The following PLPP5 variants were observed in gnomAD, a reference collection of about 807,000 sequenced individuals.
PLPP5 encodes phospholipid phosphatase 5, also known as diacylglycerol pyrophosphate like 1.
Under a neutral mutation model 23.6 loss-of-function variants are expected in PLPP5, and 29 were observed. The ratio of observed to expected loss-of-function variants is 1.23; its 90% CI spans 0.92 to 1.68. The LOEUF (loss-of-function observed/expected upper bound fraction) is 1.68, where lower values mean the gene tolerates loss of function less well. Among genes scored for constraint, PLPP5 ranks in the 40% most tolerant of loss-of-function variants. PLPP5 has a pLI of 0.00. For missense variants in PLPP5, 315 were observed against 332.1 expected (o/e 0.95, Z 0.40); for synonymous variants, 143 against 131.3 (o/e 1.09, Z -0.61).
rs1172308392 is a variant in PLPP5 at position 38,263,778 on chromosome 8, C to G, written c.*666G>C. 4.1e-6 allele frequency: 4 copies of G among 985,296 alleles called. No individual in the cohort carries two copies. In the African/African-American group the frequency reaches 5.2e-5, roughly 13 times the overall value. 61.0% of individuals were successfully genotyped at this position (985,296 alleles called of 1,614,324 possible). Reference sequence around the variant, plus strand: ...GGAAATTAAGTTTTGATAATGAACTCTAGCTTCTGAGACAAGGTGGGGCTA... The same window carrying G: ...GGAAATTAAGTTTTGATAATGAACTGTAGCTTCTGAGACAAGGTGGGGCTA... On this transcript the variant is annotated 3_prime_UTR_variant, in exon 7 of 7. Coordinates refer to ENST00000424479, the MANE Select transcript of PLPP5 (RefSeq NM_001102559.2).
At position 38,267,309 on chromosome 8, in the gene PLPP5, C is replaced by T; in HGVS notation, c.421G>A (p.Val141Met). The T allele has an allele frequency of 6.2e-7, 1 of 1,613,992 alleles. No individual in the cohort carries two copies. The highest frequency in any genetic ancestry group is 8.5e-7 in the Non-Finnish European group (1 of 1,179,878). Residue 141 changes from valine to methionine, a missense_variant, in exon 5 of 7, where the codon GTG becomes ATG. By Grantham distance (21) the Val-to-Met change is conservative (BLOSUM62 1). Coordinates refer to ENST00000424479, the MANE Select transcript of PLPP5 (RefSeq NM_001102559.2). ...GGGAAGCTCTTTCGGCCCTCATTCACCACGTCCTTATCCCCTGTACACATC... is the reference window on the plus strand; with the variant it reads ...GGGAAGCTCTTTCGGCCCTCATTCATCACGTCCTTATCCCCTGTACACATC... ...DLMCTGDKDV[V>M]NEGRKSFPSG...
intron 6 of PLPP5, chr8:38,264,838 A>ATTAC: frequency 6.3e-7 from 1 of 1,586,362 alleles, no homozygotes. Context: ...ATCTTAAGTA[A>ATTAC]GTATAATAAG....
intron 6 of PLPP5, chr8:38,264,862 G>A (rs1807336341): frequency 1.9e-6 from 3 of 1,608,524 alleles, no homozygotes; most frequent in Admixed American, 1.7e-5. Context: ...TGTTCAGAGT[G>A]TACTAAATTA....
chr8:38,269,026 T>A, intron 1 of PLPP5, 36 bp from the exon 2 acceptor site: 1 of 1,542,228 alleles, frequency 6.5e-7, no homozygotes, highest in Non-Finnish European at 8.7e-7. Flanking sequence ...GCAGGTCGCC[T>A]GGCTTCCTCC....
intron 6 of PLPP5, 157 bp from the exon 7 acceptor site, chr8:38,264,761 T>C (rs1005552651): frequency 6.9e-7 from 1 of 1,456,918 alleles, no homozygotes; most frequent in African/African-American, 1.4e-5. Flanking sequence ...ATCTTTTTAT[T>C]CTCAATTTTA....
At chr8:38,268,008 T>A in intron 3 of PLPP5, 48 bp from the exon 4 acceptor site, 1 of 1,613,662 alleles carries the variant, frequency 6.2e-7, no homozygotes, top group Middle Eastern at 1.7e-4. Flanking sequence ...GGAGGAAAGG[T>A]ATGGTCATGG....
In PLPP5 at chr8:38,267,410, G is replaced by T. The variant is rs746086774; in HGVS notation, c.339-19C>A. 43 of 1,609,270 alleles carry T rather than the reference G, an allele frequency of 2.7e-5. No individual in the cohort carries two copies. The highest frequency in any genetic ancestry group is 3.6e-5 in the Non-Finnish European group (42 of 1,177,416). On this transcript the variant is annotated intron_variant, in intron 4 of 6. Coordinates refer to ENST00000424479, the MANE Select transcript of PLPP5 (RefSeq NM_001102559.2). The stretch of plus-strand genomic sequence containing the variant: ...GCGTGGCCTGGAAGAAAGCAGCATG[G>T]TTGGAACGTAAATCATTAACTCCAG...
At chr8:38,267,183 G>C in intron 5 of PLPP5, 84 bp downstream of exon 5, 1 of 1,610,612 alleles carries the variant, frequency 6.2e-7, no homozygotes, top group Non-Finnish European at 8.5e-7. Flanking sequence ...AGAGTAGTCA[G>C]ATTTTCCCAT....
intron 5 of PLPP5, 99 bp from the exon 6 acceptor site, chr8:38,266,410 A>G (rs1239644244): frequency 8.5e-7 from 1 of 1,180,138 alleles, no homozygotes; most frequent in Non-Finnish European, 1.2e-6. Flanking sequence ...GTTTTTATTT[A>G]TTTATTTTTT....
At chr8:38,267,123 T>TA in intron 5 of PLPP5, 144 bp downstream of exon 5, 2 of 1,524,218 alleles carry the variant, frequency 1.3e-6, no homozygotes, top group Non-Finnish European at 1.8e-6. Flanking sequence ...TCAGACTTGT[T>TA]AAACTGTGGA....
At chr8:38,266,110 CA>C (rs1290763603) in intron 6 of PLPP5, 30 bp downstream of exon 6, 1 of 1,601,904 alleles carries the variant, frequency 6.2e-7, no homozygotes, top group African/African-American at 1.3e-5. Flanking sequence ...GTGAAATATG[CA>C]AGCTTCCATA....
chr8:38,268,974 G>T lies in PLPP5; in HGVS notation c.91C>A (p.Pro31Thr), dbSNP rs1166602400. The T allele has an allele frequency of 6.4e-7, 1 of 1,570,128 alleles. No individual in the cohort carries two copies. ...FAAFLVTELLPPFQRLIQPEE... is the reference protein window; with the variant it reads ...FAAFLVTELLTPFQRLIQPEE... Reference sequence around the variant, plus strand: ...GGCTGGATGAGTCTCTGGAACGGGGGGAGCAGCTCCGTCACCCTAGAGGGG... The same window carrying T: ...GGCTGGATGAGTCTCTGGAACGGGGTGAGCAGCTCCGTCACCCTAGAGGGG... Residue 31 changes from proline (P) to threonine (T), a missense_variant, in exon 2 of 7, where the codon CCC (proline) becomes ACC (threonine). Physicochemically the swap from Pro to Thr is conservative, Grantham distance 38. Transcript: ENST00000424479.
In PLPP5 at chr8:38,264,605, C is replaced by G; in HGVS notation, c.635-1G>C. On this transcript the variant is annotated splice_acceptor_variant, in intron 6 of 6. Transcript: ENST00000424479. LOFTEE classifies it high-confidence loss of function. Reference sequence around the variant, plus strand: ...CCAATCATGGATCCAACTAGTACATCTGAAGAGAGTGGAAACAAGGTCTTC... The same window carrying G: ...CCAATCATGGATCCAACTAGTACATGTGAAGAGAGTGGAAACAAGGTCTTC... 1 of 1,588,922 alleles carries G rather than the reference C, an allele frequency of 6.3e-7. No individual in the cohort carries two copies. The highest frequency in any genetic ancestry group is 8.6e-7 in the Non-Finnish European group (1 of 1,167,654).
Position 38,263,329 on chromosome 8 carries a change from C to G in PLPP5, c.*1115G>C. ...GAAGAAGGGGCAGAAAAAGATTCAT[C>G]TGTCCTTCAGATGACGATACCTGTC... On this transcript the variant is annotated 3_prime_UTR_variant, in exon 7 of 7. Transcript: ENST00000424479. The G allele has an allele frequency of 1.0e-6, 1 of 954,192 alleles. No individual in the cohort carries two copies. The highest frequency in any genetic ancestry group is 1.2e-6 in the Non-Finnish European group (1 of 801,336). The allele number at this position is 954,192 out of a possible 1,614,324, so 59.1% of individuals were successfully genotyped here.
chr8:38,269,195 C>G lies in PLPP5; in HGVS notation c.5G>C (p.Gly2Ala). The change falls in exon 1 of 7, where the codon GGG (glycine) becomes GCG (alanine). Residue 2 changes from glycine (G) to alanine (A), a missense_variant. Gly to Ala is a moderately conservative substitution (Grantham distance 60, BLOSUM62 0). Transcript: ENST00000424479. Reference sequence around the variant, plus strand: ...AAAGGCCACCGCCGCCGCCGCCTTCCCCATCCGGCCGCGAGCTCCGAGCGA... The same window carrying G: ...AAAGGCCACCGCCGCCGCCGCCTTCGCCATCCGGCCGCGAGCTCCGAGCGA... Reference protein sequence around the residue: MGKAAAAVAFGA... With the variant: MAKAAAAVAFGA... The G allele has an allele frequency of 6.7e-7, 1 of 1,500,464 alleles. No individual in the cohort carries two copies. Among genetic ancestry groups the G allele is most frequent in the Non-Finnish European group, 8.8e-7 (1 of 1,132,752 alleles). 92.9% of individuals were successfully genotyped at this position (1,500,464 alleles called of 1,614,324 possible).
At chr8:38,264,747 T>C (rs1415654072) in intron 6 of PLPP5, 143 bp from the exon 7 acceptor site, 6 of 1,450,134 alleles carry the variant, frequency 4.1e-6, no homozygotes, top group Middle Eastern at 2.1e-4. Context: ...GATTTCTAAA[T>C]AAAATCTTTT....
intron 4 of PLPP5, 102 bp downstream of exon 4, chr8:38,267,795 G>A: frequency 8.4e-7 from 1 of 1,191,054 alleles, no homozygotes; most frequent in Non-Finnish European, 1.2e-6. Flanking sequence ...GAAGATAAAG[G>A]AGAAAAGAAT....
At chr8:38,267,424 C>A in intron 4 of PLPP5, 33 bp from the exon 5 acceptor site, 3 of 1,603,276 alleles carry the variant, frequency 1.9e-6, no homozygotes, top group Non-Finnish European at 1.7e-6. Context: ...GAACGTAAAT[C>A]ATTAACTCCA....
intron 6 of PLPP5, among the ~76,000 whole-genome samples, 193 bp downstream of exon 6, chr8:38,265,948 T>C (rs1398926054): frequency 3.9e-5 from 6 of 152,384 alleles, no homozygotes; most frequent in African/African-American, 1.4e-4. Context: ...AAAATTAGGA[T>C]GTTTATCTTT....
Sources: allele counts gnomAD v4.1 joint callset (sites outside exome capture counted in the v4.1 genomes callset), GRCh38; gene constraint gnomAD v4.1.1; transcripts MANE v1.5; gene names NCBI Gene and HGNC (gene_info 2026-07-23, HGNC 2026-07-21).